GRM8: variants seen among roughly 807,000 people sequenced by gnomAD.
GRM8 encodes metabotropic glutamate receptor 8.
A neutral mutation model predicts 87.2 loss-of-function variants in GRM8; 47 were observed. The ratio of observed to expected loss-of-function variants is 0.54; its 90% CI spans 0.43 to 0.69. The LOEUF (loss-of-function observed/expected upper bound fraction) is 0.69, where lower values mean the gene tolerates loss of function less well. GRM8 is among the 30% of genes least tolerant of loss of function. The pLI, the probability that GRM8 is intolerant of heterozygous loss-of-function variation, is 0.00. For missense variants in GRM8, 1,019 were observed against 1,139.2 expected (o/e 0.89, Z 1.52); for synonymous variants, 396 against 404.5 (o/e 0.98, Z 0.25).
chr7:126,880,265 G>T (rs1413834754), intron 6 of GRM8, among the ~76,000 whole-genome samples: 3 of 152,138 alleles, frequency 2.0e-5, no homozygotes, highest in Admixed American at 6.5e-5. Context: ...AGGAATACAT[G>T]ATTACAAAAA....
chr7:126,956,694 C>G (rs1808722426), intron 3 of GRM8, among the ~76,000 whole-genome samples: 1 of 152,096 alleles, frequency 6.6e-6, no homozygotes, highest in Non-Finnish European at 1.5e-5. Flanking sequence ...TTATTATTTT[C>G]TAATACTTTC....
intron 3 of GRM8, among the ~76,000 whole-genome samples, chr7:127,105,945 C>T (rs897795945): frequency 1.2e-3 from 180 of 151,890 alleles, no homozygotes; most frequent in African/African-American, 4.2e-3. Flanking sequence ...TTGTTGTAAA[C>T]AAGTTTTTAC....
chr7:126,771,723 T>TA (rs1178235060), intron 6 of GRM8, among the ~76,000 whole-genome samples: 1 of 152,128 alleles, frequency 6.6e-6, no homozygotes, highest in Non-Finnish European at 1.5e-5. Flanking sequence ...ACCATATCTC[T>TA]ACGTAGTCTG....
chr7:127,247,051 G>C (rs1465311243), intron 1 of GRM8, among the ~76,000 whole-genome samples: 2 of 152,210 alleles, frequency 1.3e-5, no homozygotes, highest in Non-Finnish European at 2.9e-5. Flanking sequence ...CCCCTCCACT[G>C]CAATCTTTCA....
chr7:126,501,057 T>C (rs1487658496), intron 9 of GRM8, among the ~76,000 whole-genome samples: 1 of 152,054 alleles, frequency 6.6e-6, no homozygotes, highest in Non-Finnish European at 1.5e-5. Context: ...ATAATAAATG[T>C]ACTTATTTGA....
chr7:126,759,267 G>C (rs1467394434), intron 7 of GRM8, among the ~76,000 whole-genome samples: 2 of 151,996 alleles, frequency 1.3e-5, no homozygotes, highest in African/African-American at 4.8e-5. Flanking sequence ...CAGATTTAAA[G>C]AGAAAAAATA....
At chr7:126,892,434 A>G (rs1027256141) in intron 6 of GRM8, among the ~76,000 whole-genome samples, 3 of 151,868 alleles carry the variant, frequency 2.0e-5, no homozygotes, top group Non-Finnish European at 4.4e-5. Context: ...ATGATTTCCA[A>G]TTTCATCCAT....
chr7:126,709,575 G>T (rs1810894914), intron 7 of GRM8, among the ~76,000 whole-genome samples: 1 of 152,086 alleles, frequency 6.6e-6, no homozygotes, highest in Non-Finnish European at 1.5e-5. Flanking sequence ...ACTGTTGGTG[G>T]GAATGTACTA....
In GRM8 at chr7:126,905,326, AC is replaced by A. The variant is rs551156792; in HGVS notation, c.728-644del. Among the ~76,000 whole-genome samples, 672 of 152,308 alleles carry A rather than the reference AC, an allele frequency of 4.4e-3. 7 individuals are homozygous for A. The highest frequency in any genetic ancestry group is 0.015 in the African/African-American group (640 of 41,570). ...TCTCATTTTCACTGCAAATAAAAAG[AC>A]AGAACCCTTCTTTTGGCCTCTCCTT... On this transcript the variant is annotated intron_variant, in intron 3 of 10. Transcript: ENST00000339582.
intron 7 of GRM8, among the ~76,000 whole-genome samples, chr7:126,762,125 A>G (rs1264936982): frequency 6.6e-6 from 1 of 152,196 alleles, no homozygotes; most frequent in Non-Finnish European, 1.5e-5. Flanking sequence ...CTCTTGTAAA[A>G]ATTAGGTACC....
At chr7:127,094,533 A>G (rs1011467519) in intron 3 of GRM8, among the ~76,000 whole-genome samples, 14 of 152,250 alleles carry the variant, frequency 9.2e-5, no homozygotes, top group African/African-American at 3.4e-4. Context: ...TGATGCTTCT[A>G]CTTGCCAAGG....
At chr7:127,199,129 C>T (rs1257422493) in intron 2 of GRM8, among the ~76,000 whole-genome samples, 1 of 147,576 alleles carries the variant, frequency 6.8e-6, no homozygotes, top group Non-Finnish European at 1.5e-5. Context: ...GCGTGAGCCA[C>T]CGCACCCGGC....
At chr7:126,759,188 C>A (rs1316876856) in intron 7 of GRM8, among the ~76,000 whole-genome samples, 1 of 151,960 alleles carries the variant, frequency 6.6e-6, no homozygotes, top group African/African-American at 2.4e-5. Flanking sequence ...TAAGCCACAG[C>A]GCCCAGCCCC....
intron 2 of GRM8, among the ~76,000 whole-genome samples, chr7:127,123,724 T>C (rs1345314735): frequency 6.6e-6 from 1 of 152,210 alleles, no homozygotes; most frequent in African/African-American, 2.4e-5. Flanking sequence ...CCAAATTTTC[T>C]TCAAAAATTC....
At chr7:126,803,970 G>A (rs1792384272) in intron 6 of GRM8, among the ~76,000 whole-genome samples, 1 of 152,190 alleles carries the variant, frequency 6.6e-6, no homozygotes, top group African/African-American at 2.4e-5. Flanking sequence ...CTGACTGATT[G>A]AGTACCTTTT....
At chr7:126,953,870 T>C (rs74699905) in intron 3 of GRM8, among the ~76,000 whole-genome samples, 2,574 of 152,268 alleles carry the variant, frequency 0.017, 46 homozygotes, top group Non-Finnish European at 0.021. Context: ...TACTTTATAA[T>C]ATGCATTTCT....
At chr7:126,497,059 A>C (rs2150673075) in intron 9 of GRM8, among the ~76,000 whole-genome samples, 1 of 151,284 alleles carries the variant, frequency 6.6e-6, no homozygotes, top group Admixed American at 6.6e-5. Flanking sequence ...GGTATGAAAT[A>C]GGCTAATATT....
chr7:126,922,830 T>C (rs112150541), intron 3 of GRM8, among the ~76,000 whole-genome samples: 2,700 of 152,168 alleles, frequency 0.018, 62 homozygotes, highest in African/African-American at 0.05. Context: ...TTTAAAAGTA[T>C]GTAGCACCTC....
At chr7:126,954,896 T>C (rs1214534618) in intron 3 of GRM8, among the ~76,000 whole-genome samples, 1 of 152,200 alleles carries the variant, frequency 6.6e-6, no homozygotes, top group East Asian at 1.9e-4. Context: ...GTATCTTTGC[T>C]AAGCAAGGTA....
Sources: allele counts gnomAD v4.1 joint callset (sites outside exome capture counted in the v4.1 genomes callset), GRCh38; gene constraint gnomAD v4.1.1; transcripts MANE v1.5; gene names NCBI Gene and HGNC (gene_info 2026-07-23, HGNC 2026-07-21).